NCAM1: variants seen among roughly 807,000 people sequenced by gnomAD.
NCAM1 encodes the protein antigen recognized by monoclonal antibody 5.1H11.
In NCAM1, 14 loss-of-function variants were observed where a neutral mutation model predicts 109.8. That is an observed-to-expected ratio of 0.13 (90% CI 0.08 to 0.20). The LOEUF is 0.20. Ranked by LOEUF, NCAM1 falls within the 10% of genes least tolerant of loss-of-function variation. The pLI, the probability that NCAM1 is intolerant of heterozygous loss-of-function variation, is 1.00. For synonymous variants in NCAM1, 418 were observed against 442.9 expected (o/e 0.94, Z 0.70); for missense variants, 774 against 1,109.9 (o/e 0.70, Z 4.30).
At chr11:113,137,033 A>G (rs1941626987) in intron 1 of NCAM1, among the ~76,000 whole-genome samples, 1 of 152,212 alleles carries the variant, frequency 6.6e-6, no homozygotes, top group African/African-American at 2.4e-5. Context: ...TCACGTTTCA[A>G]TTAAATCCAA....
At chr11:113,072,585 A>T (rs1938327934) in intron 1 of NCAM1, among the ~76,000 whole-genome samples, 1 of 152,172 alleles carries the variant, frequency 6.6e-6, no homozygotes, top group Non-Finnish European at 1.5e-5. Context: ...ACCTAACCAT[A>T]GAGGGTTAAC....
At position 113,238,148 on chromosome 11, in the gene NCAM1, C is replaced by T. The variant is rs574831522; in HGVS notation, c.1825+2984C>T. Among the ~76,000 whole-genome samples the T allele has an allele frequency of 1.4e-3, 210 of 152,090 alleles. 1 individual carries two copies. Among genetic ancestry groups the T allele is most frequent in the African/African-American group, 4.8e-3 (198 of 41,468 alleles). ...GATAAGTAACCACGACTCCAAGAAG[C>T]CCTTTGGAAAAGGATGGTGTCATCT... On this transcript the variant is annotated intron_variant, in intron 14 of 19. Coordinates refer to ENST00000316851, the MANE Select transcript of NCAM1 (RefSeq NM_181351.5).
In NCAM1 at chr11:113,013,829, A is replaced by G. The variant is rs534158267; in HGVS notation, c.52+52165A>G. Among the ~76,000 whole-genome samples, 6 of 152,374 alleles carry G rather than the reference A, an allele frequency of 3.9e-5. No individual in the cohort carries two copies. In the East Asian group the frequency reaches 1.2e-3, roughly 29 times the overall value. ...ACTTTGATACTTTCATGCTTTATCT[A>G]TATTTATAAAAATAGGTGAACTTTT... On this transcript the variant is annotated intron_variant, in intron 1 of 19. Coordinates refer to ENST00000316851, the MANE Select transcript of NCAM1 (RefSeq NM_181351.5).
At chr11:113,168,856 G>A (rs1488681560) in intron 1 of NCAM1, among the ~76,000 whole-genome samples, 2 of 152,150 alleles carry the variant, frequency 1.3e-5, no homozygotes, top group East Asian at 1.9e-4. Flanking sequence ...GAATCCAGAT[G>A]TGGGGGAGGC....
chr11:113,226,336 G>T (rs1211790340), intron 9 of NCAM1, among the ~76,000 whole-genome samples: 3 of 152,250 alleles, frequency 2.0e-5, no homozygotes, highest in Admixed American at 2.0e-4. Flanking sequence ...GACAAAGAAG[G>T]CCATTACATA....
chr11:113,082,216 T>A (rs782158722), intron 1 of NCAM1, among the ~76,000 whole-genome samples: 1 of 152,130 alleles, frequency 6.6e-6, no homozygotes, highest in Non-Finnish European at 1.5e-5. Flanking sequence ...TGAGAAAAAG[T>A]TGTTGGAAGC....
intron 1 of NCAM1, among the ~76,000 whole-genome samples, chr11:113,155,635 C>A (rs1942382811): frequency 6.6e-6 from 1 of 152,068 alleles, no homozygotes; most frequent in Admixed American, 6.5e-5. Context: ...TGCTCCTGCA[C>A]CCTCCACCCA....
rs959009353 is a variant in NCAM1, at chr11:113,270,313, A to G, written c.2257A>G (p.Met753Val). Residue 753 changes from methionine to valine, a missense_variant, in exon 18 of 20, where the codon ATG becomes GTG. By Grantham distance (21) the Met-to-Val change is conservative. This residue lies in a region of NCAM1 where 523 missense variants were observed against 784.2 expected (regional missense o/e 0.67). Coordinates refer to ENST00000316851, the MANE Select transcript of NCAM1 (RefSeq NM_181351.5). ...CYFLNKCGLF[M>V]CIAVNLCGKA... Reference sequence around the variant, plus strand: ...CTTCCTGAACAAGTGTGGCCTGTTCATGTGCATTGCGGTCAACCTGTGTGG... The same window carrying G: ...CTTCCTGAACAAGTGTGGCCTGTTCGTGTGCATTGCGGTCAACCTGTGTGG... 2 of 1,613,872 alleles carry G rather than the reference A, an allele frequency of 1.2e-6. No individual in the cohort carries two copies. The highest frequency in any genetic ancestry group is 1.1e-5 in the South Asian group (1 of 91,088).
chr11:113,127,803 A>G (rs1345616591), intron 1 of NCAM1, among the ~76,000 whole-genome samples: 5 of 152,130 alleles, frequency 3.3e-5, no homozygotes, highest in African/African-American at 9.7e-5. Context: ...GTGGTTCTCA[A>G]TTGAAAGATG....
At chr11:113,152,871 T>G (rs1591370216) in intron 1 of NCAM1, among the ~76,000 whole-genome samples, 1 of 152,190 alleles carries the variant, frequency 6.6e-6, no homozygotes, top group African/African-American at 2.4e-5. Flanking sequence ...TTGGCTGGGA[T>G]AGCAAGCCAT....
At chr11:113,016,311 C>T (rs1256503416) in intron 1 of NCAM1, among the ~76,000 whole-genome samples, 1 of 152,048 alleles carries the variant, frequency 6.6e-6, no homozygotes, top group Non-Finnish European at 1.5e-5. Flanking sequence ...TTTAGGGAGG[C>T]CAAGCAACTT....
At chr11:113,035,876 A>G (rs1952862357) in intron 1 of NCAM1, among the ~76,000 whole-genome samples, 1 of 152,100 alleles carries the variant, frequency 6.6e-6, no homozygotes, top group African/African-American at 2.4e-5. Context: ...GCCTCCTGGA[A>G]TATGCCTTTG....
intron 1 of NCAM1, among the ~76,000 whole-genome samples, chr11:112,988,188 A>T (rs1555070007): frequency 1.3e-5 from 2 of 152,074 alleles, no homozygotes; most frequent in African/African-American, 4.8e-5. Context: ...CCCACCTCCC[A>T]GCCTTATTTT....
chr11:113,008,455 G>T (rs1555073713), intron 1 of NCAM1, among the ~76,000 whole-genome samples: 1 of 152,156 alleles, frequency 6.6e-6, no homozygotes, highest in Non-Finnish European at 1.5e-5. Flanking sequence ...CATTTCAGCC[G>T]TGGAAATATT....
Position 113,055,533 on chromosome 11 carries a change from C to T in NCAM1, c.52+93869C>T, listed in dbSNP as rs1013164622. On this transcript the variant is annotated intron_variant, in intron 1 of 19. Transcript: ENST00000316851. The stretch of plus-strand genomic sequence containing the variant: ...GGTAATATTTGCACAGAAACATATT[C>T]CTTTTTCCCTTAACATATTCCTGCT... 9.9e-5 allele frequency among the ~76,000 whole-genome samples: 15 copies of T among 152,142 alleles called. No homozygotes were observed. In the South Asian group the frequency reaches 1.9e-3, roughly 19 times the overall value.
chr11:112,982,180 C>A (rs1951171395), intron 1 of NCAM1, among the ~76,000 whole-genome samples: 1 of 151,970 alleles, frequency 6.6e-6, no homozygotes, highest in Non-Finnish European at 1.5e-5. Context: ...CACATAGGTG[C>A]AAGTTGTCAG....
intron 1 of NCAM1, among the ~76,000 whole-genome samples, chr11:113,000,311 A>G (rs777310535): frequency 2.0e-5 from 3 of 152,172 alleles, no homozygotes; most frequent in Non-Finnish European, 2.9e-5. Context: ...ACAGAGAATC[A>G]CACAAATGAT....
chr11:113,269,716 C>A, intron 17 of NCAM1: 1 of 200,126 alleles, frequency 5.0e-6, no homozygotes, highest in Non-Finnish European at 1.0e-5. Flanking sequence ...CCCAACAAGC[C>A]CCAAGAAAGC....
chr11:113,103,395 G>T (rs1450193278), intron 1 of NCAM1, among the ~76,000 whole-genome samples: 3 of 152,182 alleles, frequency 2.0e-5, no homozygotes, highest in Non-Finnish European at 2.9e-5. Context: ...ATGCTAATTT[G>T]TGGGCAGCTA....
Sources: allele counts gnomAD v4.1 joint callset (sites outside exome capture counted in the v4.1 genomes callset), GRCh38; gene constraint gnomAD v4.1.1; regional missense constraint gnomAD v4.1.1; transcripts MANE v1.5; gene names NCBI Gene and HGNC (gene_info 2026-07-23, HGNC 2026-07-21).